Variants in SACM1L observed in about 807,000 individuals in gnomAD.
SACM1L encodes the protein phosphatidylinositol-3-phosphatase SAC1.
Under a neutral mutation model 89.5 loss-of-function variants are expected in SACM1L, and 32 were observed. The ratio of observed to expected loss-of-function variants is 0.36; its 90% CI spans 0.27 to 0.48. SACM1L has a LOEUF of 0.48. SACM1L is among the 20% of genes least tolerant of loss of function. SACM1L has a pLI of 0.99. For synonymous variants in SACM1L, 213 were observed against 232.8 expected, an observed-to-expected ratio of 0.92 and a Z score of 0.77; for missense variants, 543 against 708.5, an observed-to-expected ratio of 0.77 and a Z score of 2.65.
intron 3 of SACM1L, 45 bp from the exon 4 acceptor site, chr3:45,706,734 GA>G (rs1559539561): frequency 6.7e-7 from 1 of 1,500,238 alleles, no homozygotes; most frequent in Admixed American, 1.9e-5. Context: ...TCTACCTTTA[GA>G]GTTACTATTT....
intron 18 of SACM1L, 100 bp downstream of exon 18, chr3:45,738,973 T>G: frequency 1.4e-6 from 1 of 711,526 alleles, no homozygotes; most frequent in South Asian, 1.9e-5. Flanking sequence ...TGGTTTTATA[T>G]TTCATTACAT....
intron 11 of SACM1L, among the ~76,000 whole-genome samples, chr3:45,730,193 C>T (rs6808473): frequency 0.14 from 21,814 of 151,560 alleles, 1,685 homozygotes; most frequent in African/African-American, 0.2. Flanking sequence ...TTGAATGAGT[C>T]ATGTTTTTCT....
chr3:45,743,700 G>A lies in SACM1L; in HGVS notation c.*31G>A. The stretch of plus-strand genomic sequence containing the variant: ...TATTTGTGGAAAGCGGCTTGGCTTG[G>A]AAGATTCCATTGTGCAGAACTGGAG... On this transcript the variant is annotated 3_prime_UTR_variant, in exon 20 of 20. Transcript: ENST00000389061. 3.1e-6 allele frequency: 5 copies of A among 1,603,920 alleles called. No homozygotes were observed. Among genetic ancestry groups the A allele is most frequent in the South Asian group, 2.2e-5 (2 of 88,966 alleles).
At chr3:45,695,026 G>T (rs553148619) in intron 1 of SACM1L, among the ~76,000 whole-genome samples, 1 of 152,134 alleles carries the variant, frequency 6.6e-6, no homozygotes, top group Non-Finnish European at 1.5e-5. Flanking sequence ...TGCCCCTGGG[G>T]AGTCTGTGAT....
At chr3:45,728,019 A>C (rs1698963685) in intron 11 of SACM1L, among the ~76,000 whole-genome samples, 1 of 152,200 alleles carries the variant, frequency 6.6e-6, no homozygotes, top group Non-Finnish European at 1.5e-5. Context: ...AAAATTGACC[A>C]TTTAATCAAT....
chr3:45,706,939 G>C, intron 4 of SACM1L, 32 bp downstream of exon 4: 1 of 1,605,418 alleles, frequency 6.2e-7, no homozygotes, highest in Non-Finnish European at 8.5e-7. Context: ...TAATTGCAGC[G>C]CCCAAAGAAG....
intron 1 of SACM1L, among the ~76,000 whole-genome samples, chr3:45,696,029 G>A (rs1056096452): frequency 5.7e-5 from 8 of 139,160 alleles, no homozygotes; most frequent in Non-Finnish European, 1.2e-4. Context: ...ATGGAGTCTC[G>A]CTCTGTTGCC....
At chr3:45,720,633 A>G (rs1575401216) in intron 8 of SACM1L, among the ~76,000 whole-genome samples, 1 of 151,994 alleles carries the variant, frequency 6.6e-6, no homozygotes, top group Non-Finnish European at 1.5e-5. Flanking sequence ...TTTCTTTCAT[A>G]CACACAAACA....
chr3:45,695,563 A>G (rs1316745281), intron 1 of SACM1L, among the ~76,000 whole-genome samples: 1 of 152,180 alleles, frequency 6.6e-6, no homozygotes, highest in African/African-American at 2.4e-5. Flanking sequence ...ACCCAGCCAA[A>G]TTCTTTACGT....
intron 4 of SACM1L, among the ~76,000 whole-genome samples, chr3:45,707,530 A>G (rs1698426922): frequency 6.6e-6 from 1 of 152,224 alleles, no homozygotes; most frequent in Admixed American, 6.5e-5. Context: ...AGAAATTGAA[A>G]TTGAACATAA....
chr3:45,736,632 G>A (rs896203360), intron 14 of SACM1L, among the ~76,000 whole-genome samples: 1 of 152,206 alleles, frequency 6.6e-6, no homozygotes, highest in African/African-American at 2.4e-5. Context: ...GGTCTTCTAA[G>A]TGTAGTTTTT....
chr3:45,709,681 G>A (rs372462692), intron 5 of SACM1L, 34 bp downstream of exon 5: 2 of 1,564,060 alleles, frequency 1.3e-6, no homozygotes, highest in African/African-American at 2.8e-5. Context: ...TTATTTTTAG[G>A]TTTTTAAAAG....
At chr3:45,720,985 T>C (rs970164208) in intron 8 of SACM1L, among the ~76,000 whole-genome samples, 3 of 152,360 alleles carry the variant, frequency 2.0e-5, no homozygotes, top group East Asian at 1.9e-4. Context: ...TGCCTTTGCT[T>C]AGCAAGCGTT....
chr3:45,689,414 G>A lies in SACM1L; in HGVS notation c.-52G>A, dbSNP rs1363864423. 1 of 1,556,812 alleles carries A rather than the reference G, an allele frequency of 6.4e-7. No individual in the cohort carries two copies. Among genetic ancestry groups the A allele is most frequent in the East Asian group, 2.4e-5 (1 of 41,988 alleles). ...GACCGGTAGAGTTGTAGCCGAGGTG[G>A]CGGCGCGGGGCGGGGCGGGCGGAGA... On this transcript the variant is annotated 5_prime_UTR_variant, in exon 1 of 20. Transcript: ENST00000389061.
At chr3:45,734,429 GA>G (rs910890657) in intron 13 of SACM1L, among the ~76,000 whole-genome samples, 3 of 151,106 alleles carry the variant, frequency 2.0e-5, no homozygotes, top group Non-Finnish European at 4.4e-5. Context: ...AAAAGAAAAA[GA>G]AAAAAAATAT....
chr3:45,694,461 G>A (rs1342036448), intron 1 of SACM1L, among the ~76,000 whole-genome samples: 1 of 152,196 alleles, frequency 6.6e-6, no homozygotes, highest in Non-Finnish European at 1.5e-5. Flanking sequence ...AGGGAAGGGT[G>A]TAGGGCAGCT....
intron 18 of SACM1L, among the ~76,000 whole-genome samples, chr3:45,739,153 T>C (rs546629885): frequency 2.6e-5 from 4 of 152,242 alleles, no homozygotes; most frequent in East Asian, 1.9e-4. Context: ...TTCTCTTACA[T>C]TGAGGGAATT....
intron 1 of SACM1L, among the ~76,000 whole-genome samples, chr3:45,703,047 G>A (rs62242214): frequency 6.6e-6 from 1 of 152,032 alleles, no homozygotes; most frequent in Admixed American, 6.6e-5. Context: ...TGGTATTATC[G>A]TTATTTTACA....
At chr3:45,739,805 A>T (rs1383546007) in intron 19 of SACM1L, 161 bp downstream of exon 19, 6 of 689,676 alleles carry the variant, frequency 8.7e-6, no homozygotes, top group Non-Finnish European at 1.5e-5. Context: ...CAGGAAGAAA[A>T]ATAACATACC....
Sources: gnomAD v4.1 joint callset for allele counts (sites outside exome capture counted in the v4.1 genomes callset) on GRCh38, gnomAD v4.1.1 for gene constraint, MANE v1.5 for transcripts, NCBI Gene and HGNC (gene_info 2026-07-23, HGNC 2026-07-21) for gene names.